LYRM1: variants seen among roughly 807,000 people sequenced by gnomAD.
LYRM1 encodes LYR motif containing 1, also known as LYR motif-containing protein 1.
A neutral mutation model predicts 14.9 loss-of-function variants in LYRM1; 14 were observed. The ratio of observed to expected loss-of-function variants is 0.94; its 90% CI spans 0.62 to 1.47. LYRM1 has a LOEUF of 1.47. Among genes scored for constraint, LYRM1 ranks in the 40% most tolerant of loss-of-function variants. The pLI is 0.00. For synonymous variants in LYRM1, 43 were observed against 56.2 expected (o/e 0.77, Z 1.05); for missense variants, 153 against 149.9 (o/e 1.02, Z -0.11).
At chr16:20,900,130 T>G, upstream of LYRM1, 1 of 93,676 alleles carries the variant, frequency 1.1e-5, no homozygotes, top group African/African-American at 4.2e-5. Flanking sequence ...TTCTCGAAGG[T>G]ACCCAACCCC....
chr16:20,914,667 G>C (rs530354703), intron 1 of LYRM1, among the ~76,000 whole-genome samples: 2 of 152,128 alleles, frequency 1.3e-5, no homozygotes, highest in Admixed American at 1.3e-4. Flanking sequence ...AATCTGGATT[G>C]CCACCTATTT....
At chr16:20,904,580 C>G (rs1048722661) in intron 1 of LYRM1, among the ~76,000 whole-genome samples, 3 of 152,128 alleles carry the variant, frequency 2.0e-5, no homozygotes, top group African/African-American at 7.2e-5. Flanking sequence ...GTATACCACA[C>G]AAGCATATCC....
At chr16:20,913,181 A>G (rs1172203070) in intron 1 of LYRM1, among the ~76,000 whole-genome samples, 1 of 151,712 alleles carries the variant, frequency 6.6e-6, no homozygotes, top group Non-Finnish European at 1.5e-5. Flanking sequence ...AATTCAGCAT[A>G]GTGATTCCTT....
chr16:20,906,106 C>T (rs2082306858), intron 1 of LYRM1, among the ~76,000 whole-genome samples: 1 of 152,148 alleles, frequency 6.6e-6, no homozygotes. Flanking sequence ...CCCTGCAACA[C>T]ACACATGGTG....
At chr16:20,903,966 T>TATGAATGA (rs66928042) in intron 1 of LYRM1, among the ~76,000 whole-genome samples, 5 of 149,738 alleles carry the variant, frequency 3.3e-5, no homozygotes, top group East Asian at 2.0e-4. Flanking sequence ...GCTGGGGAGT[T>TATGAATGA]ATGAATGAAT....
intron 1 of LYRM1, among the ~76,000 whole-genome samples, chr16:20,906,732 T>C (rs776724436): frequency 2.6e-5 from 4 of 152,184 alleles, no homozygotes; most frequent in Non-Finnish European, 5.9e-5. Flanking sequence ...TTCCTAAGTG[T>C]TCATGCTGCA....
intron 1 of LYRM1, among the ~76,000 whole-genome samples, chr16:20,912,233 CA>C (rs1395414524): frequency 6.6e-6 from 1 of 151,780 alleles, no homozygotes; most frequent in Non-Finnish European, 1.5e-5. Flanking sequence ...TGAGCCACTG[CA>C]CGTGGCCTTA....
Position 20,924,103 on chromosome 16 carries a change from A to T in LYRM1, c.356A>T (p.Asp119Val). ...LSKPVYLRSH[D>V]EVS Reference sequence around the variant, plus strand: ...AAACCAGTATATCTCAGATCTCATGATGAAGTTTCCTAATCTAGAGGAAAG... The same window carrying T: ...AAACCAGTATATCTCAGATCTCATGTTGAAGTTTCCTAATCTAGAGGAAAG... The change falls in exon 4 of 4, where the codon GAT (aspartate) becomes GTT (valine). Residue 119 changes from aspartate (D) to valine (V), a missense_variant. Physicochemically the swap from Asp to Val is radical, Grantham distance 152 (BLOSUM62 -3). Coordinates refer to ENST00000567954, the MANE Select transcript of LYRM1 (RefSeq NM_001128302.3). 3 of 1,590,182 alleles carry T rather than the reference A, an allele frequency of 1.9e-6. No individual in the cohort carries two copies. The highest frequency in any genetic ancestry group is 2.6e-6 in the Non-Finnish European group (3 of 1,161,892).
intron 1 of LYRM1, among the ~76,000 whole-genome samples, chr16:20,903,079 T>C (rs990261909): frequency 2.0e-5 from 3 of 152,222 alleles, no homozygotes; most frequent in African/African-American, 7.2e-5. Context: ...CTCTCTGAGC[T>C]GAAGGGTTGG....
Position 20,901,568 on chromosome 16 carries a change from A to G in LYRM1, c.-1+679A>G, listed in dbSNP as rs1052936482. Among the ~76,000 whole-genome samples the G allele has an allele frequency of 6.6e-6, 1 of 152,248 alleles. No individual in the cohort carries two copies. Among genetic ancestry groups the G allele is most frequent in the Non-Finnish European group, 1.5e-5 (1 of 68,046 alleles). ...AAGGACTTTTAGGTTGGAAACAGCC[A>G]GAAGGCCATGTGGCTGAAGCAAACA... On this transcript the variant is annotated intron_variant, in intron 1 of 3. Coordinates refer to ENST00000567954, the MANE Select transcript of LYRM1 (RefSeq NM_001128302.3). The surrounding 1 kb of genome is among the most constrained non-coding windows in gnomAD (Gnocchi z 4.6).
rs907495455 is a variant in LYRM1, at chr16:20,924,514, C to T, written c.*398C>T. On this transcript the variant is annotated 3_prime_UTR_variant, in exon 4 of 4. Coordinates refer to ENST00000567954, the MANE Select transcript of LYRM1 (RefSeq NM_001128302.3). ...AACTATGTACCACTCTCAGAATATT[C>T]TTAGGCTTTTTTTTTTTCAAGTTAT... 1 of 153,030 alleles carries T rather than the reference C, an allele frequency of 6.5e-6. No individual in the cohort carries two copies. The highest frequency in any genetic ancestry group is 2.4e-5 in the African/African-American group (1 of 41,294). 9.5% of individuals were successfully genotyped at this position (153,030 alleles called of 1,614,324 possible).
intron 2 of LYRM1, 95 bp from the exon 3 acceptor site, chr16:20,920,027 C>T: frequency 3.1e-6 from 2 of 637,462 alleles, no homozygotes; most frequent in Non-Finnish European, 5.2e-6. Context: ...CATTTACTGG[C>T]TAGTGAACTA....
intron 1 of LYRM1, among the ~76,000 whole-genome samples, chr16:20,913,353 C>T (rs1274943314): frequency 1.3e-5 from 2 of 149,260 alleles, no homozygotes; most frequent in Admixed American, 6.7e-5. Context: ...GTCACTGTTG[C>T]CCAGGCTGGA....
intron 3 of LYRM1, 98 bp downstream of exon 3, chr16:20,920,312 G>T (rs2083123979): frequency 1.1e-6 from 1 of 884,990 alleles, no homozygotes; most frequent in Non-Finnish European, 1.9e-6. Flanking sequence ...TTGCTGAGAA[G>T]CCCAGAGCTG....
rs3841490 is a variant in LYRM1 at position 20,904,691 on chromosome 16, T to TTGTGTGTGTGTG, written c.-1+3826_-1+3837dup. The stretch of plus-strand genomic sequence containing the variant: ...TCTGAAACAGGAAATAAGTCTGTGG[T>TTGTGTGTGTGTG]TGTGTGTGTGTGTGTGTGTGTGTGT... On this transcript the variant is annotated intron_variant, in intron 1 of 3. Transcript: ENST00000567954. Among the ~76,000 whole-genome samples the TTGTGTGTGTGTG allele has an allele frequency of 2.6e-3, 370 of 141,130 alleles. 2 individuals carry two copies. The highest frequency in any genetic ancestry group is 0.021 in the East Asian group (99 of 4,794). 92.6% of individuals were successfully genotyped at this position (141,130 alleles called of 152,430 possible).
At chr16:20,919,424 G>A (rs1026179508) in intron 2 of LYRM1, among the ~76,000 whole-genome samples, 6 of 152,190 alleles carry the variant, frequency 3.9e-5, no homozygotes, top group Admixed American at 1.3e-4. Flanking sequence ...GAACTCTAGA[G>A]AGTAATCTGG....
chr16:20,906,909 T>A (rs1302051845), intron 1 of LYRM1, among the ~76,000 whole-genome samples: 1 of 152,160 alleles, frequency 6.6e-6, no homozygotes, highest in Non-Finnish European at 1.5e-5. Flanking sequence ...ACCCTCTCAC[T>A]GCACTTTGGA....
At chr16:20,917,614 T>C (rs1287590491) in intron 2 of LYRM1, among the ~76,000 whole-genome samples, 2 of 151,986 alleles carry the variant, frequency 1.3e-5, no homozygotes, top group Non-Finnish European at 2.9e-5. Context: ...AAAAATTAGC[T>C]GGGTGTGGTG....
intron 1 of LYRM1, among the ~76,000 whole-genome samples, chr16:20,906,275 A>C (rs1021319614): frequency 6.6e-6 from 1 of 152,246 alleles, no homozygotes; most frequent in Non-Finnish European, 1.5e-5. Flanking sequence ...AAAAGGTGGA[A>C]GCAGCAAATA....
Sources: allele counts gnomAD v4.1 joint callset (sites outside exome capture counted in the v4.1 genomes callset), GRCh38; gene constraint gnomAD v4.1.1; non-coding constraint Gnocchi (gnomAD v3.1); transcripts MANE v1.5; gene names NCBI Gene and HGNC (gene_info 2026-07-23, HGNC 2026-07-21).